KIF6: variants seen among roughly 807,000 people sequenced by gnomAD.
KIF6 encodes kinesin-like protein KIF6.
Under a neutral mutation model 112.7 loss-of-function variants are expected in KIF6, and 106 were observed. The observed-to-expected ratio is 0.94, with a 90% confidence interval of 0.80 to 1.11. The LOEUF is 1.11. Ranked by LOEUF, KIF6 falls within the 50% of genes least tolerant of loss-of-function variation. The pLI is 0.00. For missense variants in KIF6, 929 were observed against 964.0 expected, an observed-to-expected ratio of 0.96 and a Z score of 0.48; for synonymous variants, 339 against 339.9, an observed-to-expected ratio of 1.00 and a Z score of 0.03.
intron 14 of KIF6, among the ~76,000 whole-genome samples, chr6:39,429,740 C>T (rs1458107620): frequency 6.6e-6 from 1 of 152,076 alleles, no homozygotes; most frequent in Non-Finnish European, 1.5e-5. Flanking sequence ...AACCCCGTCT[C>T]TACTAAAAAT....
At chr6:39,472,159 G>T (rs1168166239) in intron 13 of KIF6, among the ~76,000 whole-genome samples, 1 of 151,998 alleles carries the variant, frequency 6.6e-6, no homozygotes, top group Non-Finnish European at 1.5e-5. Context: ...CTACAGTCTG[G>T]TTTCTATCCT....
At chr6:39,572,580 G>A (rs1050828471) in intron 10 of KIF6, among the ~76,000 whole-genome samples, 14 of 150,400 alleles carry the variant, frequency 9.3e-5, no homozygotes, top group African/African-American at 2.9e-4. Context: ...GAAGTGAAAC[G>A]TTGCTAACAG....
intron 14 of KIF6, among the ~76,000 whole-genome samples, chr6:39,428,555 C>G (rs1395374232): frequency 6.6e-6 from 1 of 152,122 alleles, no homozygotes; most frequent in East Asian, 1.9e-4. Flanking sequence ...TTCCCTATCC[C>G]CTTGTTTTAT....
intron 14 of KIF6, among the ~76,000 whole-genome samples, chr6:39,421,116 AATAG>A (rs998004541): frequency 1.2e-4 from 18 of 152,322 alleles, no homozygotes; most frequent in African/African-American, 4.3e-4. Flanking sequence ...GCAAGCACCT[AATAG>A]ATAGCTGAAT....
intron 4 of KIF6, among the ~76,000 whole-genome samples, chr6:39,637,500 T>C (rs749405784): frequency 2.0e-5 from 3 of 151,964 alleles, no homozygotes; most frequent in Non-Finnish European, 2.9e-5. Context: ...TCAATTTTCT[T>C]CTCTTAAAAT....
chr6:39,640,251 C>T (rs1408618575), intron 3 of KIF6, among the ~76,000 whole-genome samples: 2 of 152,030 alleles, frequency 1.3e-5, no homozygotes, highest in Non-Finnish European at 2.9e-5. Context: ...GAATTCCCCT[C>T]TTCTCTTTTC....
chr6:39,346,085 TC>T (rs367850137), intron 20 of KIF6, among the ~76,000 whole-genome samples: 815 of 21,580 alleles, frequency 0.038, 84 homozygotes, highest in African/African-American at 0.077. Context: ...TCTCTCTCTC[TC>T]CCCCCCCTCT....
intron 14 of KIF6, among the ~76,000 whole-genome samples, chr6:39,424,956 A>G (rs917268624): frequency 1.3e-5 from 2 of 152,174 alleles, no homozygotes; most frequent in Admixed American, 1.3e-4. Flanking sequence ...TCTGACGTTA[A>G]CTTCCAAGAT....
intron 13 of KIF6, among the ~76,000 whole-genome samples, chr6:39,488,349 A>G (rs1489023272): frequency 6.6e-6 from 1 of 152,184 alleles, no homozygotes; most frequent in Non-Finnish European, 1.5e-5. Context: ...ACACTCAATA[A>G]TCATCTTAGA....
intron 3 of KIF6, among the ~76,000 whole-genome samples, chr6:39,670,658 T>C (rs1455376747): frequency 1.3e-5 from 2 of 152,096 alleles, no homozygotes; most frequent in Non-Finnish European, 2.9e-5. Context: ...CTCCGCACAG[T>C]TCAAATTCAT....
Position 39,526,318 on chromosome 6 carries a change from C to T in KIF6, c.1645+13685G>A, listed in dbSNP as rs1295419298. Among the ~76,000 whole-genome samples the T allele has an allele frequency of 2.6e-5, 4 of 152,224 alleles. No individual in the cohort carries two copies. The East Asian group carries it at 7.7e-4, about 29-fold the overall frequency. On this transcript the variant is annotated intron_variant, in intron 13 of 22. Transcript: ENST00000287152. ...CTGTGTTTTTTGTTCTGATCATACCCTTTTCTCCAAAGAGTCTGGAAGTGA... is the reference window on the plus strand; with the variant it reads ...CTGTGTTTTTTGTTCTGATCATACCTTTTTCTCCAAAGAGTCTGGAAGTGA...
intron 10 of KIF6, among the ~76,000 whole-genome samples, chr6:39,561,515 T>C (rs1438331309): frequency 1.3e-5 from 2 of 151,732 alleles, no homozygotes; most frequent in African/African-American, 4.8e-5. Flanking sequence ...CCACGCCCGG[T>C]TAATTTTTTT....
chr6:39,419,310 C>T (rs531544368), intron 15 of KIF6, among the ~76,000 whole-genome samples: 6 of 148,138 alleles, frequency 4.1e-5, no homozygotes, highest in South Asian at 2.2e-4. Flanking sequence ...GCTGAGATCA[C>T]GCCACTGCAC....
chr6:39,483,273 T>G (rs1267306064), intron 13 of KIF6, among the ~76,000 whole-genome samples: 3 of 152,176 alleles, frequency 2.0e-5, no homozygotes, highest in Non-Finnish European at 4.4e-5. Context: ...TTGCATAAGC[T>G]GTGTAAATAA....
intron 16 of KIF6, among the ~76,000 whole-genome samples, chr6:39,370,691 C>G (rs985678120): frequency 6.6e-6 from 1 of 152,148 alleles, no homozygotes; most frequent in African/African-American, 2.4e-5. Context: ...AGCAGTTTGC[C>G]TAAGCCTACC....
intron 3 of KIF6, among the ~76,000 whole-genome samples, chr6:39,672,338 C>A (rs191734908): frequency 1.8e-4 from 28 of 152,240 alleles, no homozygotes; most frequent in Middle Eastern, 3.4e-3. Flanking sequence ...TTTTGTTATA[C>A]GTTTTGCTTA....
intron 16 of KIF6, among the ~76,000 whole-genome samples, chr6:39,370,765 G>C (rs1213133711): frequency 6.6e-6 from 1 of 152,092 alleles, no homozygotes; most frequent in Non-Finnish European, 1.5e-5. Flanking sequence ...GGCAGTGAAG[G>C]AGCCCGAGAG....
intron 18 of KIF6, among the ~76,000 whole-genome samples, chr6:39,359,682 C>G (rs1053364545): frequency 6.6e-6 from 1 of 152,152 alleles, no homozygotes; most frequent in African/African-American, 2.4e-5. Flanking sequence ...ACCTCCCAGG[C>G]TCAAGCACTC....
intron 10 of KIF6, among the ~76,000 whole-genome samples, chr6:39,567,264 G>A (rs1405610987): frequency 6.6e-6 from 1 of 152,204 alleles, no homozygotes; most frequent in Non-Finnish European, 1.5e-5. Flanking sequence ...GCCTTGTGAT[G>A]TGGGTGCCAT....
Sources: gnomAD v4.1 joint callset for allele counts (sites outside exome capture counted in the v4.1 genomes callset) on GRCh38, gnomAD v4.1.1 for gene constraint, MANE v1.5 for transcripts, NCBI Gene and HGNC (gene_info 2026-07-23, HGNC 2026-07-21) for gene names.